Variants in CSRP3 observed in about 807,000 individuals in gnomAD.
The protein encoded by CSRP3 is cysteine and glycine rich protein 3.
A neutral mutation model predicts 24.3 loss-of-function variants in CSRP3; 24 were observed. The observed-to-expected ratio is 0.99, with a 90% CI of 0.71 to 1.39. CSRP3 has a LOEUF of 1.39. Ranked by LOEUF, CSRP3 falls within the 40% of genes most tolerant of loss-of-function variation. The probability of loss-of-function intolerance (pLI) is 0.00; values close to 1 mark genes in which losing one functional copy is unlikely to be tolerated. For missense variants in CSRP3, 240 were observed against 249.0 expected (o/e 0.96, Z 0.24); for synonymous variants, 105 against 94.0 (o/e 1.12, Z -0.68).
At chr11:19,182,805 A>G in intron 5 of CSRP3, 59 bp from the exon 6 acceptor site, 5 of 1,186,636 alleles carry the variant, frequency 4.2e-6, no homozygotes, top group Non-Finnish European at 6.3e-6. Context: ...CATTTTTTTC[A>G]GGGCTTTCTG....
At chr11:19,193,548 G>A (rs1268389211) in intron 1 of CSRP3, among the ~76,000 whole-genome samples, 1 of 152,136 alleles carries the variant, frequency 6.6e-6, no homozygotes, top group Non-Finnish European at 1.5e-5. Flanking sequence ...TAGTAGAGAC[G>A]GGGTTTCACC....
At chr11:19,189,681 A>G (rs1002825489) in intron 2 of CSRP3, among the ~76,000 whole-genome samples, 6 of 152,194 alleles carry the variant, frequency 3.9e-5, no homozygotes, top group Admixed American at 3.9e-4. Context: ...CCAGGGGCTG[A>G]TGAGTGTGGG....
At chr11:19,192,251 A>T in intron 2 of CSRP3, 86 bp downstream of exon 2, 1 of 905,478 alleles carries the variant, frequency 1.1e-6, no homozygotes, top group Non-Finnish European at 1.8e-6. Context: ...TATGAGAACC[A>T]CTGGCATACA....
At chr11:19,195,690 TC>T (rs1231239675) in intron 1 of CSRP3, among the ~76,000 whole-genome samples, 1 of 72,520 alleles carries the variant, frequency 1.4e-5, no homozygotes, top group Admixed American at 2.1e-4. Context: ...TACATATATA[TC>T]TGTGTGTGTG....
rs150114628 is a variant in CSRP3 at position 19,184,964 on chromosome 11, G to C, written c.496C>G (p.Leu166Val). 1.9e-6 allele frequency: 3 copies of C among 1,612,248 alleles called. No homozygotes were observed. The African/African-American group carries it at 4.0e-5, about 22-fold the overall frequency. ...STNVTDKDGE[L>V]YCKVCYAKNF... ...CAGAATCACTCACCTTTGCAATAAA[G>C]TTCCCCATCTTTGTCAGTGACATTT... The change falls in exon 5 of 6, where the codon CTT (leucine) becomes GTT (valine). Residue 166 changes from leucine to valine, a missense_variant. Leu to Val is a conservative substitution (Grantham distance 32). Transcript: ENST00000265968.
rs760600548 is a variant in CSRP3, at chr11:19,192,338, GC to G, written c.110del (p.Cys37SerfsTer171). The part of the protein sequence containing the change: ...GRSFHKTCFH[C>X]MACRKALDST... ...CCCCAGGGTGTCCACCCAACTCACT[GC>G]AGTGGAAACACGTCTTGTGGAAACT... On this transcript the variant is annotated frameshift_variant and splice_region_variant, in exon 2 of 6. Coordinates refer to ENST00000265968, the MANE Select transcript of CSRP3 (RefSeq NM_003476.5). LOFTEE classifies it high-confidence loss of function. The G allele has an allele frequency of 6.2e-7, 1 of 1,611,762 alleles. No individual in the cohort carries two copies. Among genetic ancestry groups the G allele is most frequent in the Non-Finnish European group, 8.5e-7 (1 of 1,177,842 alleles).
chr11:19,200,525 A>G (rs1850820595), intron 1 of CSRP3, among the ~76,000 whole-genome samples: 1 of 150,898 alleles, frequency 6.6e-6, no homozygotes, highest in Non-Finnish European at 1.5e-5. Context: ...TCGAAGGAGG[A>G]GGCCCCTTGC....
At chr11:19,200,587 C>G (rs1565057163) in intron 1 of CSRP3, among the ~76,000 whole-genome samples, 1 of 152,178 alleles carries the variant, frequency 6.6e-6, no homozygotes, top group Non-Finnish European at 1.5e-5. Flanking sequence ...CTGCAGAGCA[C>G]CTGTCTGCCT....
chr11:19,188,102 T>G, intron 3 of CSRP3, 34 bp downstream of exon 3: 1 of 1,613,934 alleles, frequency 6.2e-7, no homozygotes, highest in Non-Finnish European at 8.5e-7. Flanking sequence ...ATTGGAGACT[T>G]TAACAGGCAA....
At chr11:19,197,691 A>AGCCACAGT (rs1850764994) in intron 1 of CSRP3, among the ~76,000 whole-genome samples, 1 of 151,642 alleles carries the variant, frequency 6.6e-6, no homozygotes, top group African/African-American at 2.4e-5. Flanking sequence ...AGAGACCTCA[A>AGCCACAGT]GCCACAGTGC....
Position 19,192,389 on chromosome 11 carries a change from T to C in CSRP3, c.60A>G (p.Ala20=). Residue 20 remains alanine, a synonymous_variant, in exon 2 of 6, where the codon GCA becomes GCG. Coordinates refer to ENST00000265968, the MANE Select transcript of CSRP3 (RefSeq NM_003476.5). ...CGACEKTVYH[A]EEIQCNGRSF... is the part of the protein sequence containing the mutation. Reference sequence around the variant, plus strand: ...TCCTTCCATTGCACTGGATTTCTTCTGCATGGTAGACGGTCTTTTCACAGG... The same window carrying C: ...TCCTTCCATTGCACTGGATTTCTTCCGCATGGTAGACGGTCTTTTCACAGG... The C allele has an allele frequency of 6.2e-7, 1 of 1,614,254 alleles. No individual in the cohort carries two copies. Among genetic ancestry groups the C allele is most frequent in the South Asian group, 1.1e-5 (1 of 91,092 alleles).
chr11:19,198,180 A>G (rs1414664142), intron 1 of CSRP3, among the ~76,000 whole-genome samples: 1 of 152,190 alleles, frequency 6.6e-6, no homozygotes, highest in African/African-American at 2.4e-5. Flanking sequence ...TGGATAAGAG[A>G]ACTGAAGAGC....
chr11:19,196,621 G>C (rs1429357696), intron 1 of CSRP3, among the ~76,000 whole-genome samples: 2 of 152,182 alleles, frequency 1.3e-5, no homozygotes, highest in Non-Finnish European at 2.9e-5. Context: ...AAGGTACCAA[G>C]GGATGGGCCA....
chr11:19,201,544 C>A (rs545204493), intron 1 of CSRP3, among the ~76,000 whole-genome samples: 9 of 152,346 alleles, frequency 5.9e-5, no homozygotes, highest in South Asian at 2.1e-4. Flanking sequence ...CCCCTGAGGG[C>A]AGGAACCTTC....
At chr11:19,182,884 C>T (rs945085392) in intron 5 of CSRP3, 138 bp from the exon 6 acceptor site, 34 of 723,046 alleles carry the variant, frequency 4.7e-5, no homozygotes, top group Middle Eastern at 3.7e-4. Flanking sequence ...TCGCCAGGCA[C>T]GGTGGCTCAT....
chr11:19,184,922 T>C, intron 5 of CSRP3, 30 bp downstream of exon 5: 1 of 1,537,396 alleles, frequency 6.5e-7, no homozygotes, highest in Non-Finnish European at 9.0e-7. Flanking sequence ...AGGGAAAACA[T>C]ATTTCAAGAA....
intron 1 of CSRP3, among the ~76,000 whole-genome samples, chr11:19,193,052 G>T (rs954968055): frequency 2.0e-5 from 3 of 152,248 alleles, no homozygotes; most frequent in African/African-American, 7.2e-5. Flanking sequence ...CTTGCTGATA[G>T]AAAAGCATAT....
chr11:19,183,556 C>T (rs1369269026), intron 5 of CSRP3, among the ~76,000 whole-genome samples: 2 of 152,168 alleles, frequency 1.3e-5, no homozygotes, highest in East Asian at 1.9e-4. Flanking sequence ...TTTTAGGTGA[C>T]TGCATTGTGA....
intron 1 of CSRP3, among the ~76,000 whole-genome samples, chr11:19,198,263 C>A (rs1026758040): frequency 6.6e-6 from 1 of 152,202 alleles, no homozygotes; most frequent in African/African-American, 2.4e-5. Context: ...TAAGCTGGTT[C>A]TGTATCTCAT....
Sources: allele counts gnomAD v4.1 joint callset (sites outside exome capture counted in the v4.1 genomes callset), GRCh38; gene constraint gnomAD v4.1.1; transcripts MANE v1.5; gene names NCBI Gene and HGNC (gene_info 2026-07-23, HGNC 2026-07-21).